Variants in GPATCH3 observed in about 807,000 individuals in gnomAD.
GPATCH3 encodes G-patch domain containing 3.
A neutral mutation model predicts 53.2 loss-of-function variants in GPATCH3; 45 were observed. The observed-to-expected ratio is 0.85, with a 90% CI of 0.67 to 1.08. GPATCH3 has a LOEUF of 1.08. Ranked by LOEUF, GPATCH3 falls within the 50% of genes least tolerant of loss-of-function variation. The pLI, the probability that GPATCH3 is intolerant of heterozygous loss-of-function variation, is 0.00. For synonymous variants in GPATCH3, 280 were observed against 270.6 expected, an observed-to-expected ratio of 1.03 and a Z score of -0.34; for missense variants, 680 against 687.2, an observed-to-expected ratio of 0.99 and a Z score of 0.12.
chr1:26,896,306 C>T (rs1270599467), intron 2 of GPATCH3, among the ~76,000 whole-genome samples: 1 of 151,656 alleles, frequency 6.6e-6, no homozygotes. Flanking sequence ...TCTGGTCTTT[C>T]ATGTGGAATT....
In GPATCH3 at chr1:26,900,377, GGAGGGGA is replaced by G. The variant is rs1557662276; in HGVS notation, c.59_65del (p.Ile20ThrfsTer45). 1 of 1,614,032 alleles carries G rather than the reference GGAGGGGA, an allele frequency of 6.2e-7. No individual in the cohort carries two copies. ...TCCGTAAATGGGCCGAGCGCAACAC[GGAGGGGA>G]TACCGCTCACTACCAGGTAAACTGT... On this transcript the variant is annotated frameshift_variant, in exon 1 of 7. Transcript: ENST00000361720. LOFTEE classifies it high-confidence loss of function.
Position 26,891,131 on chromosome 1 carries a change from G to C in GPATCH3, c.1457C>G (p.Pro486Arg). 1 of 1,614,104 alleles carries C rather than the reference G, an allele frequency of 6.2e-7. No individual in the cohort carries two copies. The highest frequency in any genetic ancestry group is 8.5e-7 in the Non-Finnish European group (1 of 1,180,012). The change falls in exon 7 of 7, where the codon CCC becomes CGC. Residue 486 changes from proline to arginine, a missense_variant. Coordinates refer to ENST00000361720, the MANE Select transcript of GPATCH3 (RefSeq NM_022078.3). ...GAGCAGTGACTCCGTCTGGTCTTGG[G>C]GTAGAGGCTCATCATAGATGGTGGA... ...LISTIYDEPLPQDQTESLLRR... is the reference protein window; with the variant it reads ...LISTIYDEPLRQDQTESLLRR...
chr1:26,890,925 CCA>C lies in GPATCH3; in HGVS notation c.*83_*84del. On this transcript the variant is annotated 3_prime_UTR_variant, in exon 7 of 7. Transcript: ENST00000361720. ...GAACCAGCCACGAAGACTGCTGCTCCCAGACTCCTTTCTGCTTCAGTGGTAGA... is the reference window on the plus strand; with the variant it reads ...GAACCAGCCACGAAGACTGCTGCTCCGACTCCTTTCTGCTTCAGTGGTAGA... The C allele has an allele frequency of 1.6e-6, 2 of 1,280,042 alleles. No homozygotes were observed. Among genetic ancestry groups the C allele is most frequent in the Non-Finnish European group, 2.3e-6 (2 of 876,712 alleles). The allele number at this position is 1,280,042 out of a possible 1,614,324, so 79.3% of individuals were successfully genotyped here. A position where few individuals can be genotyped will look rare whatever the true frequency, so the allele number is the denominator to read the frequency against.
rs1405063272 is a variant in GPATCH3, at chr1:26,900,007, G to A, written c.436C>T (p.Pro146Ser). Residue 146 changes from proline to serine, a missense_variant, in exon 1 of 7, where the codon CCT (proline) becomes TCT (serine). Pro to Ser is a moderately conservative substitution (Grantham distance 74, BLOSUM62 -1). Transcript: ENST00000361720. ...TCACTCTTACCTGATGCCTCCGTAG[G>A]TAGCCGAAGTCTGCGGATGAGACAG... ...GRCLIRRLRL[P>S]TEASGLGSFP... is the part of the protein sequence containing the mutation. The A allele has an allele frequency of 6.2e-7, 1 of 1,614,028 alleles. No individual in the cohort carries two copies. Among genetic ancestry groups the A allele is most frequent in the Non-Finnish European group, 8.5e-7 (1 of 1,180,034 alleles).
chr1:26,890,886 G>C lies in GPATCH3; in HGVS notation c.*124C>G. 1 of 970,858 alleles carries C rather than the reference G, an allele frequency of 1.0e-6. No homozygotes were observed. The highest frequency in any genetic ancestry group is 1.7e-6 in the Non-Finnish European group (1 of 594,740). The allele number at this position is 970,858 out of a possible 1,614,324, so 60.1% of individuals were successfully genotyped here. A position where few individuals can be genotyped will look rare whatever the true frequency, so the allele number is the denominator to read the frequency against. ...TAGAACCGGCAGGCAGGCAGGCTCG[G>C]AACAAAACACCCTGAACCAGCCACG... On this transcript the variant is annotated 3_prime_UTR_variant, in exon 7 of 7. Transcript: ENST00000361720.
Position 26,900,428 on chromosome 1 carries a change from G to T in GPATCH3, c.15C>A (p.Gly5=). 3 of 1,609,034 alleles carry T rather than the reference G, an allele frequency of 1.9e-6. No homozygotes were observed. The highest frequency in any genetic ancestry group is 2.2e-5 in the East Asian group (1 of 44,768). The change falls in exon 1 of 7, where the codon GGC becomes GGA. Residue 5 remains glycine, a synonymous_variant. Coordinates refer to ENST00000361720, the MANE Select transcript of GPATCH3 (RefSeq NM_022078.3). The part of the protein sequence containing the change: MAVP[G]EAEEEATVYL... The stretch of plus-strand genomic sequence containing the variant: ...AAACTGTCGCCTCCTCCTCCGCCTC[G>T]CCGGGCACCGCCATCTTGGATTGTC...
At chr1:26,895,876 C>T (rs1169191943) in intron 2 of GPATCH3, among the ~76,000 whole-genome samples, 3 of 152,200 alleles carry the variant, frequency 2.0e-5, no homozygotes, top group African/African-American at 7.2e-5. Context: ...ATGATCCACC[C>T]ATCTTGGCCT....
chr1:26,898,924 C>G (rs1000324343), intron 1 of GPATCH3, among the ~76,000 whole-genome samples: 7 of 152,148 alleles, frequency 4.6e-5, no homozygotes, highest in Non-Finnish European at 7.4e-5. Context: ...CTGTGCCTCC[C>G]AAAGTGCTGG....
In GPATCH3 at chr1:26,892,488, G is replaced by A. The variant is rs753466614; in HGVS notation, c.1284C>T (p.Gly428=). 1 of 1,613,858 alleles carries A rather than the reference G, an allele frequency of 6.2e-7. No homozygotes were observed. The highest frequency in any genetic ancestry group is 1.3e-5 in the African/African-American group (1 of 74,884). The change falls in exon 6 of 7, where the codon GGC becomes GGT. Residue 428 remains glycine, a synonymous_variant. Transcript: ENST00000361720. ...GCACCCCTGAGCACCTGCAGCCCAG[G>A]CCCTGGCCCTCAGCCCAGCCCTGCC... is the stretch of plus-strand genomic sequence containing the variant. ...MERQGWAEGQ[G]LGCRCSGVPE...
chr1:26,897,689 A>G lies in GPATCH3; in HGVS notation c.488T>C (p.Leu163Pro). 6.2e-7 allele frequency: 1 copy of G among 1,613,922 alleles called. No homozygotes were observed. Among genetic ancestry groups the G allele is most frequent in the South Asian group, 1.1e-5 (1 of 91,058 alleles). ...TTCATTCTCTGCCTTCCAACTCTGC[A>G]GTTCCTTCCGGGTCTTGAAGGGAAA... The part of the protein sequence containing the change: ...GSFPFKTRKE[L>P]QSWKAENEAF... Residue 163 changes from leucine to proline, a missense_variant, in exon 2 of 7, where the codon CTG (leucine) becomes CCG (proline). Physicochemically the swap from Leu to Pro is moderately conservative, Grantham distance 98. Transcript: ENST00000361720.
chr1:26,893,473 C>G (rs1485333427), intron 3 of GPATCH3, 25 bp from the exon 4 acceptor site: 9 of 1,571,706 alleles, frequency 5.7e-6, no homozygotes, highest in Non-Finnish European at 7.0e-6. Flanking sequence ...AAGCATCCAA[C>G]AGAGTACATT....
chr1:26,898,911 C>T (rs1203800841), intron 1 of GPATCH3, among the ~76,000 whole-genome samples: 4 of 152,108 alleles, frequency 2.6e-5, no homozygotes, highest in African/African-American at 9.7e-5. Context: ...GAGATCCACC[C>T]ACCTGTGCCT....
chr1:26,891,815 T>C (rs2081927700), intron 6 of GPATCH3, among the ~76,000 whole-genome samples: 1 of 150,894 alleles, frequency 6.6e-6, no homozygotes, highest in African/African-American at 2.4e-5. Flanking sequence ...TCAAGCGATT[T>C]TCCTGCCTCA....
rs2081956190 is a variant in GPATCH3 at position 26,897,472 on chromosome 1, C to A, written c.705G>T (p.Val235=). ...TCTCTGAGTCCTCATACTCAAAAGG[C>A]ACATTGCCGTAGCGCCGGGAGGAAC... The part of the protein sequence containing the change: ...KTGSSRRYGN[V]PFEYEDSETV... Residue 235 remains valine, a synonymous_variant, in exon 2 of 7, where the codon GTG becomes GTT. Coordinates refer to ENST00000361720, the MANE Select transcript of GPATCH3 (RefSeq NM_022078.3). 6.2e-7 allele frequency: 1 copy of A among 1,614,104 alleles called. No individual in the cohort carries two copies. The highest frequency in any genetic ancestry group is 1.3e-5 in the African/African-American group (1 of 74,928).
In GPATCH3 at chr1:26,894,253, C is replaced by G. The variant is rs753851443; in HGVS notation, c.1034G>C (p.Trp345Ser). 4.3e-6 allele frequency: 7 copies of G among 1,614,082 alleles called. No individual in the cohort carries two copies. ...AGCATTACCTCCTTCTTCCTCCTGC[C>G]AGAACTGGGCATCAGTATAAAACAC... ...GLVFYTDAQF[W>S]QEEEGDFDEQ... is the part of the protein sequence containing the mutation. Residue 345 changes from tryptophan to serine, a missense_variant, in exon 3 of 7, where the codon TGG (tryptophan) becomes TCG (serine). Transcript: ENST00000361720.
In GPATCH3 at chr1:26,899,998, C is replaced by T. The variant is rs1223952066; in HGVS notation, c.445G>A (p.Ala149Thr). The T allele has an allele frequency of 1.9e-6, 3 of 1,614,106 alleles. No homozygotes were observed. Among genetic ancestry groups the T allele is most frequent in the Non-Finnish European group, 2.5e-6 (3 of 1,179,996 alleles). ...TTAACTTTCTCACTCTTACCTGATG[C>T]CTCCGTAGGTAGCCGAAGTCTGCGG... ...LIRRLRLPTE[A>T]SGLGSFPFKT... The change falls in exon 1 of 7, where the codon GCA becomes ACA. Residue 149 changes from alanine (A) to threonine (T), a missense_variant. Ala to Thr is a moderately conservative substitution (Grantham distance 58, BLOSUM62 0). Transcript: ENST00000361720.
At position 26,891,202 on chromosome 1, in the gene GPATCH3, T is replaced by G; in HGVS notation, c.1386A>C (p.Pro462=). 2 of 1,613,446 alleles carry G rather than the reference T, an allele frequency of 1.2e-6. No individual in the cohort carries two copies. The highest frequency in any genetic ancestry group is 1.7e-6 in the Non-Finnish European group (2 of 1,179,630). ...TACGGGGCCTCTTCAGTTGCCCAAATGGCTGTAGCTTCTCTCCATGGTACC... is the reference window on the plus strand; with the variant it reads ...TACGGGGCCTCTTCAGTTGCCCAAAGGGCTGTAGCTTCTCTCCATGGTACC... ...GLGYHGEKLQ[P]FGQLKRPRRN... Residue 462 remains proline, a synonymous_variant, in exon 7 of 7, where the codon CCA becomes CCC. Transcript: ENST00000361720.
At chr1:26,892,364 T>A in intron 6 of GPATCH3, 47 bp downstream of exon 6, 3 of 1,590,808 alleles carry the variant, frequency 1.9e-6, no homozygotes, top group Non-Finnish European at 2.6e-6. Context: ...AACCAGGGCA[T>A]AGCTGAAAGG....
At chr1:26,893,868 G>A (rs923990796) in intron 3 of GPATCH3, among the ~76,000 whole-genome samples, 2 of 152,068 alleles carry the variant, frequency 1.3e-5, no homozygotes, top group African/African-American at 4.8e-5. Flanking sequence ...CCAGGCTGGA[G>A]TAAAGTGGTG....
Sources: allele counts gnomAD v4.1 joint callset (sites outside exome capture counted in the v4.1 genomes callset), GRCh38; gene constraint gnomAD v4.1.1; transcripts MANE v1.5; gene names NCBI Gene and HGNC (gene_info 2026-07-23, HGNC 2026-07-21).